The following PAH variants were observed in gnomAD, a reference collection of about 807,000 sequenced individuals.
PAH encodes phenylalanine-4-hydroxylase.
Under a neutral mutation model 62.0 loss-of-function variants are expected in PAH, and 64 were observed. That is an observed-to-expected ratio of 1.03 (90% CI 0.84 to 1.27). The LOEUF is 1.27. Among genes scored for constraint, PAH ranks in the 50% most tolerant of loss-of-function variants. The pLI is 0.00. For synonymous variants in PAH, 195 were observed against 196.2 expected (o/e 0.99, Z 0.05); for missense variants, 579 against 542.8 (o/e 1.07, Z -0.66).
chr12:102,944,143 G>A (rs1416988524), intron 1 of PAH, among the ~76,000 whole-genome samples: 2 of 152,170 alleles, frequency 1.3e-5, no homozygotes, highest in Non-Finnish European at 2.9e-5. Flanking sequence ...AGATGTATTG[G>A]AGATCCGTTG....
intron 2 of PAH, among the ~76,000 whole-genome samples, chr12:102,895,870 ATAT>A (rs1397100083): frequency 0.018 from 1,794 of 101,760 alleles, 50 homozygotes; most frequent in African/African-American, 0.091. Context: ...AAAAAAAAAA[ATAT>A]ATATATATAT....
chr12:102,907,361 C>A (rs776173024), intron 2 of PAH, among the ~76,000 whole-genome samples: 2 of 152,140 alleles, frequency 1.3e-5, no homozygotes, highest in Non-Finnish European at 2.9e-5. Context: ...AGATCATGGG[C>A]TTCGGAATCT....
chr12:102,895,545 A>G (rs1451032617), intron 2 of PAH, among the ~76,000 whole-genome samples: 1 of 152,112 alleles, frequency 6.6e-6, no homozygotes, highest in African/African-American at 2.4e-5. Flanking sequence ...TAATATAATT[A>G]CCACTAATAT....
intron 5 of PAH, 22 bp from the exon 6 acceptor site, chr12:102,855,354 G>A: frequency 1.2e-6 from 2 of 1,609,858 alleles, no homozygotes; most frequent in Middle Eastern, 3.3e-4. Flanking sequence ...GCACAAAATA[G>A]GTGTCTCAAG....
At chr12:102,839,255 A>G (rs367582759) in intron 12 of PAH, 37 bp from the exon 13 acceptor site, 1 of 1,607,038 alleles carries the variant, frequency 6.2e-7, no homozygotes, top group Non-Finnish European at 8.5e-7. Context: ...GGCCACTTGT[A>G]TAATAAGCAA....
At chr12:102,876,711 A>C (rs1283531559) in intron 4 of PAH, among the ~76,000 whole-genome samples, 1 of 152,176 alleles carries the variant, frequency 6.6e-6, no homozygotes, top group African/African-American at 2.4e-5. Flanking sequence ...GAGCCACCGC[A>C]GCCTGGGCTG....
intron 2 of PAH, among the ~76,000 whole-genome samples, chr12:102,911,116 G>GGGGCTTGGCTGTCAGCCC (rs1157209925): frequency 4.8e-4 from 73 of 152,288 alleles, no homozygotes; most frequent in Non-Finnish European, 9.4e-4. Flanking sequence ...ATCCTTGGTA[G>GGGGCTTGGCTGTCAGCCC]GGGCTTGGCT....
intron 6 of PAH, among the ~76,000 whole-genome samples, chr12:102,853,703 C>T (rs926939880): frequency 1.1e-4 from 17 of 152,210 alleles, no homozygotes; most frequent in African/African-American, 4.1e-4. Context: ...TCTATGGTTC[C>T]TGTATCTGTC....
intron 3 of PAH, among the ~76,000 whole-genome samples, chr12:102,884,189 A>C (rs1244585509): frequency 2.0e-5 from 3 of 152,202 alleles, no homozygotes; most frequent in African/African-American, 4.8e-5. Context: ...GTCAGACCTA[A>C]CCATTAAGAG....
At chr12:102,917,279 A>C (rs1454251187), upstream of PAH, 1 of 724,660 alleles carries the variant, frequency 1.4e-6, no homozygotes, top group Non-Finnish European at 2.4e-6. Flanking sequence ...GCATCTCCGC[A>C]CAGTAACGCC....
chr12:102,895,869 A>AAAAAAAAAAATATAT (rs953209518), intron 2 of PAH, among the ~76,000 whole-genome samples: 1 of 118,742 alleles, frequency 8.4e-6, no homozygotes, highest in African/African-American at 3.6e-5. Context: ...AAAAAAAAAA[A>AAAAAAAAAAATATAT]ATATATATAT....
chr12:102,914,287 T>C (rs1336144360), intron 1 of PAH, among the ~76,000 whole-genome samples: 1 of 152,224 alleles, frequency 6.6e-6, no homozygotes, highest in Non-Finnish European at 1.5e-5. Context: ...TTAGAGCCTA[T>C]ATAAACATTT....
Position 102,844,448 on chromosome 12 carries a change from A to G in PAH, c.970-17T>C, listed in dbSNP as rs1192329146. The G allele has an allele frequency of 6.6e-7, 1 of 1,514,088 alleles. No homozygotes were observed. Among genetic ancestry groups the G allele is most frequent in the South Asian group, 1.1e-5 (1 of 88,738 alleles). The allele number at this position is 1,514,088 out of a possible 1,614,324, so 93.8% of individuals were successfully genotyped here. A position where few individuals can be genotyped will look rare whatever the true frequency, so the allele number is the denominator to read the frequency against. On this transcript the variant is annotated splice_polypyrimidine_tract_variant and intron_variant, in intron 9 of 12. Coordinates refer to ENST00000553106, the MANE Select transcript of PAH (RefSeq NM_000277.3). Reference sequence around the variant, plus strand: ...CCAGTAAATCTGGAATGGAAAGTCAATCTGAGAGCACACTCTATGATGGTT... The same window carrying G: ...CCAGTAAATCTGGAATGGAAAGTCAGTCTGAGAGCACACTCTATGATGGTT...
intron 3 of PAH, among the ~76,000 whole-genome samples, chr12:102,886,956 C>A (rs992135599): frequency 6.6e-6 from 1 of 152,112 alleles, no homozygotes; most frequent in Non-Finnish European, 1.5e-5. Flanking sequence ...AACGCTGACT[C>A]TGTGCTGTTT....
intron 12 of PAH, among the ~76,000 whole-genome samples, chr12:102,839,527 C>T (rs764642526): frequency 2.0e-5 from 3 of 152,190 alleles, no homozygotes; most frequent in Non-Finnish European, 2.9e-5. Context: ...GCATATGCTA[C>T]AAGAAGCGAA....
chr12:102,856,646 A>G (rs1322320988), intron 5 of PAH, among the ~76,000 whole-genome samples: 1 of 152,216 alleles, frequency 6.6e-6, no homozygotes, highest in Non-Finnish European at 1.5e-5. Flanking sequence ...TTCCAGAGGA[A>G]TGATCAGGCA....
intron 2 of PAH, among the ~76,000 whole-genome samples, chr12:102,898,679 T>TA (rs975871564): frequency 6.6e-6 from 1 of 152,138 alleles, no homozygotes; most frequent in East Asian, 1.9e-4. Flanking sequence ...AAGGGAGACA[T>TA]AAAAAAATAA....
Position 102,904,808 on chromosome 12 carries a change from C to A in PAH, c.168+7983G>T, listed in dbSNP as rs924395459. The A allele has an allele frequency of 1.0e-5, 5 of 483,946 alleles. No individual in the cohort carries two copies. In the East Asian group the frequency reaches 2.8e-4, roughly 27 times the overall value. The allele number at this position is 483,946 out of a possible 1,614,324, so 30.0% of individuals were successfully genotyped here. A position where few individuals can be genotyped will look rare whatever the true frequency, so the allele number is the denominator to read the frequency against. On this transcript the variant is annotated intron_variant, in intron 2 of 12. Transcript: ENST00000553106. ...AGATGTTGGGAGAGATGTAAACACC[C>A]GAGTAGACTATGCACACCACAGTCC...
Position 102,868,673 on chromosome 12 carries a change from A to T in PAH, c.442-2010T>A, listed in dbSNP as rs915533670. 1.0e-3 allele frequency among the ~76,000 whole-genome samples: 158 copies of T among 152,106 alleles called. 2 individuals are homozygous for T. Among genetic ancestry groups the T allele is most frequent in the African/African-American group, 7.2e-4 (30 of 41,430 alleles). ...TTGAGATGATGTGGTTAAAAAAAAAAAATAAAACTGGGCACCATGATTTAC... is the reference window on the plus strand; with the variant it reads ...TTGAGATGATGTGGTTAAAAAAAAATAATAAAACTGGGCACCATGATTTAC... On this transcript the variant is annotated intron_variant, in intron 4 of 12. Transcript: ENST00000553106.
Sources: allele counts gnomAD v4.1 joint callset (sites outside exome capture counted in the v4.1 genomes callset), GRCh38; gene constraint gnomAD v4.1.1; transcripts MANE v1.5; gene names NCBI Gene and HGNC (gene_info 2026-07-23, HGNC 2026-07-21).